The following SNX29 variants were observed in gnomAD, a reference collection of about 807,000 sequenced individuals.
SNX29 encodes sorting nexin 29, also known as sorting nexin-29.
In SNX29, 78 loss-of-function variants were observed where a neutral mutation model predicts 102.1. That is an observed-to-expected ratio of 0.76 (90% confidence interval 0.64 to 0.92). The LOEUF (loss-of-function observed/expected upper bound fraction) is 0.92, where lower values mean the gene tolerates loss of function less well. SNX29 is among the 40% of genes least tolerant of loss of function. SNX29 has a pLI of 0.00. For missense variants in SNX29, 1,280 were observed against 1,061.7 expected (o/e 1.21, Z -2.86); for synonymous variants, 580 against 414.5 (o/e 1.40, Z -4.85).
At chr16:12,504,257 A>G (rs950166138) in intron 19 of SNX29, among the ~76,000 whole-genome samples, 6 of 152,238 alleles carry the variant, frequency 3.9e-5, no homozygotes, top group African/African-American at 1.4e-4. Flanking sequence ...GATATAATTC[A>G]TGTACCAGGT....
chr16:12,494,177 G>A (rs1474448448), intron 19 of SNX29, among the ~76,000 whole-genome samples: 1 of 152,122 alleles, frequency 6.6e-6, no homozygotes, highest in Non-Finnish European at 1.5e-5. Flanking sequence ...GTGAGTTCCT[G>A]TCTCAACAAC....
chr16:12,462,166 A>G (rs567153389), intron 18 of SNX29, among the ~76,000 whole-genome samples: 2 of 151,210 alleles, frequency 1.3e-5, no homozygotes, highest in Admixed American at 6.6e-5. Context: ...CCATAGGTCT[A>G]GTCCCCAGCG....
At chr16:12,122,977 C>T (rs949015218) in intron 11 of SNX29, among the ~76,000 whole-genome samples, 11 of 152,004 alleles carry the variant, frequency 7.2e-5, no homozygotes, top group African/African-American at 2.7e-4. Context: ...GAGGCGCCTG[C>T]CACCACACCC....
chr16:12,222,930 T>C (rs1425838203), intron 14 of SNX29, among the ~76,000 whole-genome samples: 2 of 151,984 alleles, frequency 1.3e-5, no homozygotes, highest in Admixed American at 6.5e-5. Flanking sequence ...GTGTAGATAT[T>C]ATTCTCACTT....
At chr16:12,106,527 G>A (rs540021531) in intron 11 of SNX29, among the ~76,000 whole-genome samples, 11 of 152,038 alleles carry the variant, frequency 7.2e-5, no homozygotes, top group East Asian at 1.9e-4. Context: ...AGGCTGCAGC[G>A]CAGTGGAATG....
rs978250120 is a variant in SNX29, at chr16:12,501,742, A to G, written c.2179-22960A>G. ...ACTGTCTCAAAAAAAAAAAAAAAAA[A>G]AAAAAAAAAGGCAGTGGTAAAAGAT... is the stretch of plus-strand genomic sequence containing the variant. On this transcript the variant is annotated intron_variant, in intron 19 of 20. Coordinates refer to ENST00000566228, the MANE Select transcript of SNX29 (RefSeq NM_032167.5). Among the ~76,000 whole-genome samples, 100 of 150,418 alleles carry G rather than the reference A, an allele frequency of 6.6e-4. 1 individual carries two copies. Among genetic ancestry groups the G allele is most frequent in the African/African-American group, 2.3e-3 (94 of 41,214 alleles).
intron 10 of SNX29, among the ~76,000 whole-genome samples, chr16:12,078,417 G>A (rs935266457): frequency 6.6e-6 from 1 of 152,168 alleles, no homozygotes; most frequent in Non-Finnish European, 1.5e-5. Flanking sequence ...GGAGGTTACA[G>A]TGAGCCGAGA....
rs2141573603 is a variant in SNX29 at position 12,568,881 on chromosome 16, T to C, written c.*252T>C. On this transcript the variant is annotated 3_prime_UTR_variant, in exon 21 of 21. Coordinates refer to ENST00000566228, the MANE Select transcript of SNX29 (RefSeq NM_032167.5). ...ACACACAGTCCTTCTGCTTCTGGGG[T>C]CTACCCTGGGCTGCAAGGGCTGTTC... 2 of 569,416 alleles carry C rather than the reference T, an allele frequency of 3.5e-6. No homozygotes were observed. The highest frequency in any genetic ancestry group is 6.0e-6 in the Non-Finnish European group (2 of 333,244). The allele number at this position is 569,416 out of a possible 1,614,324, so 35.3% of individuals were successfully genotyped here. A position where few individuals can be genotyped will look rare whatever the true frequency, so the allele number is the denominator to read the frequency against.
intron 1 of SNX29, among the ~76,000 whole-genome samples, chr16:11,980,904 C>T (rs1438063446): frequency 6.6e-6 from 1 of 151,784 alleles, no homozygotes; most frequent in Non-Finnish European, 1.5e-5. Context: ...AGTCCCTTAT[C>T]AGGTTTATTG....
chr16:12,499,533 G>A (rs988760400), intron 19 of SNX29, among the ~76,000 whole-genome samples: 10 of 152,288 alleles, frequency 6.6e-5, no homozygotes, highest in East Asian at 1.9e-4. Context: ...CAGGTCCACC[G>A]CAGCTGTCAT....
At chr16:12,567,339 G>A (rs760445160) in intron 20 of SNX29, among the ~76,000 whole-genome samples, 13 of 152,134 alleles carry the variant, frequency 8.5e-5, no homozygotes, top group Non-Finnish European at 1.6e-4. Context: ...GAGTGGACAT[G>A]GATCCTGTTA....
chr16:12,088,184 A>T (rs780445348), intron 11 of SNX29: 7 of 451,596 alleles, frequency 1.6e-5, no homozygotes, highest in South Asian at 1.1e-4. Context: ...CCAGGCAGAA[A>T]GCTAGAGAGA....
chr16:12,114,808 C>T (rs1209053612), intron 11 of SNX29, among the ~76,000 whole-genome samples: 2 of 152,238 alleles, frequency 1.3e-5, no homozygotes, highest in African/African-American at 4.8e-5. Flanking sequence ...AGGCTGGTCT[C>T]AAATGCATCA....
chr16:12,487,594 A>G (rs1338410919), intron 19 of SNX29, among the ~76,000 whole-genome samples: 2 of 152,196 alleles, frequency 1.3e-5, no homozygotes, highest in Non-Finnish European at 2.9e-5. Context: ...GCACACGTCC[A>G]TGCCCAAATC....
chr16:12,206,927 G>C (rs1049737919), intron 14 of SNX29, among the ~76,000 whole-genome samples: 30 of 151,018 alleles, frequency 2.0e-4, no homozygotes, highest in Non-Finnish European at 1.2e-4. Flanking sequence ...ATGAAGTTCA[G>C]GGTCAGCAAA....
At chr16:12,161,326 C>G (rs566144202) in intron 13 of SNX29, among the ~76,000 whole-genome samples, 2 of 152,212 alleles carry the variant, frequency 1.3e-5, no homozygotes, top group African/African-American at 4.8e-5. Flanking sequence ...GACTCCATCA[C>G]GAGGTTCCCC....
intron 19 of SNX29, among the ~76,000 whole-genome samples, chr16:12,515,974 C>T (rs2089846509): frequency 6.6e-6 from 1 of 152,106 alleles, no homozygotes; most frequent in Non-Finnish European, 1.5e-5. Flanking sequence ...TACATGCTCC[C>T]AGAGAAAGGG....
intron 13 of SNX29, among the ~76,000 whole-genome samples, chr16:12,166,139 G>T (rs535847916): frequency 1.3e-5 from 2 of 152,334 alleles, no homozygotes; most frequent in Admixed American, 1.3e-4. Flanking sequence ...TTAAAAATGT[G>T]ATTTGGTGGT....
chr16:12,152,871 T>C (rs2055357422), intron 13 of SNX29, among the ~76,000 whole-genome samples: 1 of 152,222 alleles, frequency 6.6e-6, no homozygotes, highest in African/African-American at 2.4e-5. Context: ...TCCTTTTGTG[T>C]TCTCAGTTCA....
Sources: gnomAD v4.1 joint callset for allele counts (sites outside exome capture counted in the v4.1 genomes callset) on GRCh38, gnomAD v4.1.1 for gene constraint, MANE v1.5 for transcripts, NCBI Gene and HGNC (gene_info 2026-07-23, HGNC 2026-07-21) for gene names.